The following SEL1L3 variants were observed in gnomAD, a reference collection of about 807,000 sequenced individuals.
The protein encoded by SEL1L3 is SEL1L family member 3.
In SEL1L3, 76 loss-of-function variants were observed where a neutral mutation model predicts 142.8. That is an observed-to-expected ratio of 0.53 (90% CI 0.44 to 0.64). SEL1L3 has a LOEUF of 0.64. Among genes scored for constraint, SEL1L3 ranks in the 30% least tolerant of loss-of-function variants. The probability of loss-of-function intolerance (pLI) is 0.00; values close to 1 mark genes in which losing one functional copy is unlikely to be tolerated. For synonymous variants in SEL1L3, 504 were observed against 519.6 expected (o/e 0.97, Z 0.41); for missense variants, 1,262 against 1,381.7 (o/e 0.91, Z 1.37).
At chr4:25,721,724 C>T in the SEL1L3 span, among the ~76,000 whole-genome samples, 5 of 152,168 alleles carry the variant, frequency 3.3e-5, no homozygotes, top group African/African-American at 9.7e-5. Context: ...GGCTGCAAGG[C>T]GGCAGCTCCA....
intron 9 of SEL1L3, among the ~76,000 whole-genome samples, chr4:25,807,084 C>T (rs1479130731): frequency 6.6e-6 from 1 of 152,130 alleles, no homozygotes; most frequent in Non-Finnish European, 1.5e-5. Context: ...TAGAGTCTGA[C>T]TCTCGACTTT....
At chr4:25,732,378 C>G in the SEL1L3 span, among the ~76,000 whole-genome samples, 1 of 152,142 alleles carries the variant, frequency 6.6e-6, no homozygotes, top group Non-Finnish European at 1.5e-5. Context: ...TCTGACAATA[C>G]TAACTTGGGA....
intron 20 of SEL1L3, among the ~76,000 whole-genome samples, chr4:25,760,472 A>T (rs1577563637): frequency 1.3e-5 from 2 of 152,138 alleles, no homozygotes; most frequent in East Asian, 3.8e-4. Context: ...GAATTGCTAC[A>T]CTGCTTTCCA....
intron 9 of SEL1L3, among the ~76,000 whole-genome samples, chr4:25,809,308 AT>A (rs71190851): frequency 0.47 from 64,751 of 139,148 alleles, 15,755 homozygotes; most frequent in African/African-American, 0.66. Flanking sequence ...TGCTTGGCTA[AT>A]TTTTTTTTTT....
Position 25,748,391 on chromosome 4 carries a change from T to C in SEL1L3, c.*34A>G, listed in dbSNP as rs764593667. On this transcript the variant is annotated 3_prime_UTR_variant, in exon 24 of 24. Transcript: ENST00000399878. Reference sequence around the variant, plus strand: ...TCCCAATACCAGCTGTTGAAAAGATTCTCTCTCATCTGGAGAGAACTGGAG... The same window carrying C: ...TCCCAATACCAGCTGTTGAAAAGATCCTCTCTCATCTGGAGAGAACTGGAG... 3.2e-6 allele frequency: 5 copies of C among 1,576,816 alleles called. 1 individual carries two copies. The South Asian group carries it at 5.8e-5, about 18-fold the overall frequency.
At chr4:25,831,628 C>T (rs1176451093) in intron 5 of SEL1L3, among the ~76,000 whole-genome samples, 10 of 151,222 alleles carry the variant, frequency 6.6e-5, no homozygotes, top group Admixed American at 2.0e-4. Flanking sequence ...CGGATTCAAG[C>T]GAGTCTCCTG....
At chr4:25,783,895 T>A (rs1014262621) in intron 14 of SEL1L3, among the ~76,000 whole-genome samples, 15 of 152,112 alleles carry the variant, frequency 9.9e-5, no homozygotes, top group African/African-American at 3.6e-4. Context: ...TTAATACCCA[T>A]CCAATTTCCA....
intron 9 of SEL1L3, among the ~76,000 whole-genome samples, chr4:25,811,111 G>A (rs1454626872): frequency 6.6e-6 from 1 of 152,220 alleles, no homozygotes; most frequent in Non-Finnish European, 1.5e-5. Context: ...CTGGCACCAT[G>A]TGGGATGCAC....
At chr4:25,776,448 TG>T in intron 16 of SEL1L3, 88 bp from the exon 17 acceptor site, 1 of 898,124 alleles carries the variant, frequency 1.1e-6, no homozygotes, top group Non-Finnish European at 1.8e-6. Context: ...AAATCCCACT[TG>T]GGGAATATTT....
chr4:25,785,139 G>C (rs1174036312), intron 13 of SEL1L3, among the ~76,000 whole-genome samples: 2 of 152,228 alleles, frequency 1.3e-5, no homozygotes, highest in African/African-American at 4.8e-5. Flanking sequence ...CCTGGACTCA[G>C]ACAACAGTTG....
Position 25,796,096 on chromosome 4 carries a change from C to T in SEL1L3, c.1957-5522G>A, listed in dbSNP as rs112066582. ...ATCCACATCTCTAGAATGAGCAGCT[C>T]AGAAGTTTGTATCTTAATACTGCTG... On this transcript the variant is annotated intron_variant, in intron 11 of 23. Coordinates refer to ENST00000399878, the MANE Select transcript of SEL1L3 (RefSeq NM_015187.5). Among the ~76,000 whole-genome samples, 1,025 of 152,212 alleles carry T rather than the reference C, an allele frequency of 6.7e-3. 7 individuals carry two copies. The highest frequency in any genetic ancestry group is 0.031 in the Middle Eastern group (9 of 294).
chr4:25,775,935 CAG>C (rs1472866528), intron 17 of SEL1L3, among the ~76,000 whole-genome samples: 2 of 152,148 alleles, frequency 1.3e-5, no homozygotes, highest in African/African-American at 2.4e-5. Context: ...AAATAAAAAG[CAG>C]AGAGTCTCAC....
In SEL1L3 at chr4:25,802,294, G is replaced by A; in HGVS notation, c.1945C>T (p.Gln649Ter). The A allele has an allele frequency of 3.1e-6, 5 of 1,612,816 alleles. No individual in the cohort carries two copies. Among genetic ancestry groups the A allele is most frequent in the Non-Finnish European group, 3.4e-6 (4 of 1,179,460 alleles). Reference sequence around the variant, plus strand: ...TTTCTCTCTCATACCTGATCTCCTTGCAGTGTGTGCTGGTCAAGGGGTGTC... The same window carrying A: ...TTTCTCTCTCATACCTGATCTCCTTACAGTGTGTGCTGGTCAAGGGGTGTC... ...TKTPLDQHTLQGDQAYVETIR... is the reference protein window; with the variant it reads ...TKTPLDQHTL Residue 649 changes from glutamine (Q) to a stop codon, truncating the protein, a stop_gained, in exon 11 of 24, where the codon CAA becomes TAA. Coordinates refer to ENST00000399878, the MANE Select transcript of SEL1L3 (RefSeq NM_015187.5). LOFTEE classifies it high-confidence loss of function.
chr4:25,846,342 A>T (rs1044383274), intron 2 of SEL1L3, among the ~76,000 whole-genome samples: 6 of 152,244 alleles, frequency 3.9e-5, no homozygotes, highest in African/African-American at 9.6e-5. Flanking sequence ...TGTGGACTCT[A>T]TCATCATCAC....
At chr4:25,841,853 G>T (rs1342812639) in intron 2 of SEL1L3, among the ~76,000 whole-genome samples, 2 of 152,124 alleles carry the variant, frequency 1.3e-5, no homozygotes, top group Non-Finnish European at 1.5e-5. Flanking sequence ...CCAGCTACTC[G>T]GGAGGCTGAG....
At chr4:25,755,737 C>T (rs916178281) in intron 23 of SEL1L3, among the ~76,000 whole-genome samples, 8 of 152,104 alleles carry the variant, frequency 5.3e-5, no homozygotes, top group African/African-American at 1.9e-4. Context: ...AAAGCAATTC[C>T]ACCCGCCCAT....
upstream of SEL1L3, chr4:25,863,415 T>C (rs775622725): frequency 1.4e-6 from 1 of 698,880 alleles, no homozygotes; most frequent in Non-Finnish European, 2.6e-6. Flanking sequence ...CGCTTCCGCA[T>C]TCTTCCTCTC....
chr4:25,741,324 C>T, the SEL1L3 span, among the ~76,000 whole-genome samples: 8 of 151,946 alleles, frequency 5.3e-5, no homozygotes, highest in East Asian at 5.8e-4. Flanking sequence ...TGGTCTCGAA[C>T]TCCTGACGTC....
chr4:25,743,633 C>T (rs565118832), downstream of SEL1L3, among the ~76,000 whole-genome samples: 6 of 152,244 alleles, frequency 3.9e-5, no homozygotes, highest in East Asian at 5.8e-4. Context: ...CACAGATAGG[C>T]GAGAGACAAA....
Sources: gnomAD v4.1 joint callset for allele counts (sites outside exome capture counted in the v4.1 genomes callset) on GRCh38, gnomAD v4.1.1 for gene constraint, MANE v1.5 for transcripts, NCBI Gene and HGNC (gene_info 2026-07-23, HGNC 2026-07-21) for gene names.